The following DPP6 variants were observed in gnomAD, a reference collection of about 807,000 sequenced individuals.
The protein encoded by DPP6 is A-type potassium channel modulatory protein DPP6.
Under a neutral mutation model 122.6 loss-of-function variants are expected in DPP6, and 69 were observed. That is an observed-to-expected ratio of 0.56 (90% CI 0.46 to 0.69). The LOEUF (loss-of-function observed/expected upper bound fraction) is 0.69. Among genes scored for constraint, DPP6 ranks in the 30% least tolerant of loss-of-function variants. The pLI, the probability that DPP6 is intolerant of heterozygous loss-of-function variation, is 0.00. For synonymous variants in DPP6, 418 were observed against 433.1 expected, an observed-to-expected ratio of 0.97 and a Z score of 0.43; for missense variants, 928 against 1,116.9, an observed-to-expected ratio of 0.83 and a Z score of 2.41.
chr7:154,866,308 C>T (rs1166961704), intron 17 of DPP6, among the ~76,000 whole-genome samples: 5 of 152,210 alleles, frequency 3.3e-5, no homozygotes, highest in Non-Finnish European at 5.9e-5. Flanking sequence ...TGAGTGTGTG[C>T]CTGGAGCATT....
chr7:154,347,416 A>G (rs1321203910), intron 1 of DPP6, among the ~76,000 whole-genome samples: 1 of 152,250 alleles, frequency 6.6e-6, no homozygotes, highest in Non-Finnish European at 1.5e-5. Context: ...TTTCATCTGC[A>G]TGAAAATTTA....
chr7:154,479,570 A>AAAAAAAAAAAAAAAAG (rs572938567), intron 3 of DPP6, among the ~76,000 whole-genome samples: 1 of 101,566 alleles, frequency 9.8e-6, no homozygotes, highest in African/African-American at 3.2e-5. Flanking sequence ...AAAAAAAAAA[A>AAAAAAAAAAAAAAAAG]AAAAGAAAAG....
chr7:153,907,564 T>C (rs1264577121), intron 1 of DPP6, among the ~76,000 whole-genome samples: 1 of 152,162 alleles, frequency 6.6e-6, no homozygotes, highest in Non-Finnish European at 1.5e-5. Context: ...ATGAGGGTGT[T>C]TTGGATGAGA....
At chr7:154,776,335 T>C (rs944404817) in intron 10 of DPP6, among the ~76,000 whole-genome samples, 3 of 151,960 alleles carry the variant, frequency 2.0e-5, no homozygotes, top group African/African-American at 7.3e-5. Context: ...GTCACTCCCA[T>C]ACGAGGATCT....
intron 1 of DPP6, among the ~76,000 whole-genome samples, chr7:154,074,411 TA>T (rs1803402954): frequency 6.6e-6 from 1 of 152,090 alleles, no homozygotes; most frequent in East Asian, 1.9e-4. Context: ...GATGGCAACT[TA>T]TTATAAAGTC....
At chr7:154,084,395 A>T (rs199944037) in intron 1 of DPP6, among the ~76,000 whole-genome samples, 1 of 66,142 alleles carries the variant, frequency 1.5e-5, no homozygotes, top group Non-Finnish European at 2.7e-5. Flanking sequence ...CTATAATTCT[A>T]GCATGAGAAG....
the DPP6 span, among the ~76,000 whole-genome samples, chr7:153,800,371 G>A: frequency 1.3e-5 from 2 of 152,152 alleles, no homozygotes; most frequent in Admixed American, 1.3e-4. Context: ...AGCTAAAAAA[G>A]TTCATTTCAT....
chr7:153,923,536 C>T (rs923490273), intron 1 of DPP6, among the ~76,000 whole-genome samples: 3 of 152,006 alleles, frequency 2.0e-5, no homozygotes, highest in South Asian at 2.1e-4. Flanking sequence ...CCAAGGCGGG[C>T]AGATCATGAG....
chr7:153,848,367 T>C, the DPP6 span, among the ~76,000 whole-genome samples: 8 of 150,232 alleles, frequency 5.3e-5, no homozygotes, highest in Non-Finnish European at 8.9e-5. Context: ...TCTGGATCAA[T>C]TCCCTTACAC....
chr7:154,656,867 T>A (rs140441044), intron 6 of DPP6, among the ~76,000 whole-genome samples: 111 of 26,792 alleles, frequency 4.1e-3, no homozygotes, highest in East Asian at 9.4e-3. Context: ...AGGTGCCCAG[T>A]GATGGGTGGA....
At chr7:154,532,665 A>G (rs1193633920) in intron 3 of DPP6, among the ~76,000 whole-genome samples, 1 of 152,106 alleles carries the variant, frequency 6.6e-6, no homozygotes, top group Non-Finnish European at 1.5e-5. Flanking sequence ...CCACGATCCT[A>G]CTAAAGCATA....
In DPP6 at chr7:154,760,559, C is replaced by T. The variant is rs192022652; in HGVS notation, c.884-8858C>T. Among the ~76,000 whole-genome samples, 4 of 152,280 alleles carry T rather than the reference C, an allele frequency of 2.6e-5. No individual in the cohort carries two copies. The highest frequency in any genetic ancestry group is 2.6e-4 in the Admixed American group (4 of 15,300). ...CATTCGTTTCTTTAACTCTTTGAGG[C>T]ATTGTTTCATTATTAGGATGCTTGC... On this transcript the variant is annotated intron_variant, in intron 8 of 25. Coordinates refer to ENST00000377770, the MANE Select transcript of DPP6 (RefSeq NM_130797.4). This position sits in a 1 kb window ranked among gnomAD's most constrained non-coding sequence, Gnocchi z 4.5.
At chr7:153,955,247 T>G (rs2129024258) in intron 1 of DPP6, among the ~76,000 whole-genome samples, 1 of 152,266 alleles carries the variant, frequency 6.6e-6, no homozygotes, top group East Asian at 1.9e-4. Flanking sequence ...TTCTTTATTG[T>G]GTCCTAGTGA....
At chr7:153,783,698 A>C in the DPP6 span, among the ~76,000 whole-genome samples, 1 of 152,234 alleles carries the variant, frequency 6.6e-6, no homozygotes, top group East Asian at 1.9e-4. Context: ...TGATGATCAG[A>C]GAGTAATTCA....
intron 1 of DPP6, among the ~76,000 whole-genome samples, chr7:154,063,969 C>T (rs897971504): frequency 1.3e-5 from 2 of 151,700 alleles, no homozygotes; most frequent in Non-Finnish European, 2.9e-5. Context: ...TGAGAAGAGC[C>T]CTAGAGCAAA....
rs189101839 is a variant in DPP6, at chr7:154,090,317, A to G, written c.243+37254A>G. ...TTCACACAATGAGCCAACTGGCCAC[A>G]TGCTCCAAGGAGCTAAGATGCTGTT... On this transcript the variant is annotated intron_variant, in intron 1 of 25. Transcript: ENST00000377770. 7.8e-4 allele frequency among the ~76,000 whole-genome samples: 119 copies of G among 152,330 alleles called. 1 individual carries two copies. The highest frequency in any genetic ancestry group is 2.6e-3 in the African/African-American group (110 of 41,584).
At chr7:154,648,853 A>G (rs1342157863) in intron 6 of DPP6, among the ~76,000 whole-genome samples, 1 of 151,896 alleles carries the variant, frequency 6.6e-6, no homozygotes, top group Non-Finnish European at 1.5e-5. Flanking sequence ...CAGGAGGCAG[A>G]GGTTGCAGTG....
chr7:153,870,010 T>G, the DPP6 span, among the ~76,000 whole-genome samples: 3 of 152,234 alleles, frequency 2.0e-5, no homozygotes, highest in Non-Finnish European at 4.4e-5. Flanking sequence ...GAGTTTCTGC[T>G]GAGAGATCAA....
rs573154705 is a variant in DPP6, at chr7:154,415,519, G to A, written c.244-30695G>A. Among the ~76,000 whole-genome samples, 96 of 152,044 alleles carry A rather than the reference G, an allele frequency of 6.3e-4. 1 individual carries two copies. The highest frequency in any genetic ancestry group is 1.3e-3 in the Non-Finnish European group (85 of 67,986). Reference sequence around the variant, plus strand: ...AAATTCTCTAGGTTGTGAGCTCTGCGGTACAAGTGGCTATGTGAGACTAAT... The same window carrying A: ...AAATTCTCTAGGTTGTGAGCTCTGCAGTACAAGTGGCTATGTGAGACTAAT... On this transcript the variant is annotated intron_variant, in intron 1 of 25. Transcript: ENST00000377770.
Sources: allele counts gnomAD v4.1 joint callset (sites outside exome capture counted in the v4.1 genomes callset), GRCh38; gene constraint gnomAD v4.1.1; non-coding constraint Gnocchi (gnomAD v3.1); transcripts MANE v1.5; gene names NCBI Gene and HGNC (gene_info 2026-07-23, HGNC 2026-07-21).